The following SLC23A1 variants were observed in gnomAD, a reference collection of about 807,000 sequenced individuals.
SLC23A1 encodes Na(+)/L-ascorbic acid transporter 1.
SLC23A1 carries 31 observed loss-of-function variants against 62.5 expected under a neutral mutation model. The ratio of observed to expected loss-of-function variants is 0.50; its 90% CI spans 0.37 to 0.67. The LOEUF (loss-of-function observed/expected upper bound fraction) is 0.67, where lower values mean the gene tolerates loss of function less well. Among genes scored for constraint, SLC23A1 ranks in the 30% least tolerant of loss-of-function variants. SLC23A1 has a pLI of 0.00. For missense variants in SLC23A1, 640 were observed against 782.7 expected (o/e 0.82, Z 2.18); for synonymous variants, 271 against 313.2 (o/e 0.87, Z 1.42).
In SLC23A1 at chr5:139,378,717, A is replaced by C; in HGVS notation, c.1074-33T>G. On this transcript the variant is annotated intron_variant, in intron 9 of 14. Transcript: ENST00000348729. The surrounding 1 kb of genome is among the most constrained non-coding windows in gnomAD (Gnocchi z 4.5). ...GAAAGGGAGAGTCGGGGCTTGGTCC[A>C]GCCTCTGCACCAGTCTGTGTTCCCC... 1 of 1,473,502 alleles carries C rather than the reference A, an allele frequency of 6.8e-7. No individual in the cohort carries two copies. The highest frequency in any genetic ancestry group is 9.4e-7 in the Non-Finnish European group (1 of 1,069,350). 91.3% of individuals were successfully genotyped at this position (1,473,502 alleles called of 1,614,324 possible).
At position 139,379,399 on chromosome 5, in the gene SLC23A1, G is replaced by A. The variant is rs564023091; in HGVS notation, c.926-45C>T. On this transcript the variant is annotated intron_variant, in intron 8 of 14. Transcript: ENST00000348729. The surrounding 1 kb of genome is among the most constrained non-coding windows in gnomAD (Gnocchi z 4.7). ...GGATGGTGGCTACAGTGAGGAGACT[G>A]TGATGGTTAGGAATAGACAGGGCAG... 33 of 1,595,968 alleles carry A rather than the reference G, an allele frequency of 2.1e-5. No individual in the cohort carries two copies. The South Asian group carries it at 2.7e-4, about 13-fold the overall frequency.
chr5:139,367,549 T>A lies in SLC23A1; in HGVS notation c.*102A>T, dbSNP rs1254628734. 2 of 152,048 alleles carry A rather than the reference T, an allele frequency of 1.3e-5. No homozygotes were observed. The highest frequency in any genetic ancestry group is 1.9e-4 in the East Asian group (1 of 5,178). The allele number at this position is 152,048 out of a possible 1,614,324, so 9.4% of individuals were successfully genotyped here. On this transcript the variant is annotated 3_prime_UTR_variant, in exon 15 of 15. Transcript: ENST00000348729. Reference sequence around the variant, plus strand: ...GACTTATCTGAGTTTACACAGAAGTTAGTTAGGGGCAGGGCTGGGATTTCA... The same window carrying A: ...GACTTATCTGAGTTTACACAGAAGTAAGTTAGGGGCAGGGCTGGGATTTCA...
intron 14 of SLC23A1, chr5:139,369,733 T>C (rs567756948): frequency 1.3e-5 from 2 of 152,636 alleles, no homozygotes; most frequent in East Asian, 1.9e-4. Context: ...TGGTTGTGTT[T>C]ATTGGTGCTG....
chr5:139,376,177 A>ATTTTTTTTTTTTTTT (rs1554159745), intron 13 of SLC23A1, among the ~76,000 whole-genome samples: 1 of 142,470 alleles, frequency 7.0e-6, no homozygotes, highest in Non-Finnish European at 1.5e-5. Flanking sequence ...CGATGTTTTA[A>ATTTTTTTTTTTTTTT]TTTTTTTTTT....
At position 139,380,192 on chromosome 5, in the gene SLC23A1, C is replaced by T. The variant is rs751394456; in HGVS notation, c.647+16G>A. The T allele has an allele frequency of 2.6e-6, 4 of 1,555,896 alleles. No homozygotes were observed. Among genetic ancestry groups the T allele is most frequent in the African/African-American group, 1.4e-5 (1 of 73,264 alleles). Reference sequence around the variant, plus strand: ...GTGCTGGGGCTGGGCAGGGATCAGGCCTGGTGCCTGCTCACCAAGCTGAGA... The same window carrying T: ...GTGCTGGGGCTGGGCAGGGATCAGGTCTGGTGCCTGCTCACCAAGCTGAGA... On this transcript the variant is annotated intron_variant, in intron 6 of 14. Coordinates refer to ENST00000348729, the MANE Select transcript of SLC23A1 (RefSeq NM_005847.5).
At chr5:139,381,540 G>A (rs1160736226) in intron 3 of SLC23A1, among the ~76,000 whole-genome samples, 1 of 150,862 alleles carries the variant, frequency 6.6e-6, no homozygotes, top group African/African-American at 2.4e-5. Context: ...TTGAACCCGG[G>A]AGGTGGTGGT....
upstream of SLC23A1, chr5:139,384,289 C>G: frequency 1.8e-6 from 2 of 1,139,218 alleles, no homozygotes; most frequent in Admixed American, 6.7e-5. Flanking sequence ...CTGGTGAGGG[C>G]TGGGCCTGAG....
chr5:139,383,385 T>C (rs1262657520), upstream of SLC23A1: 2 of 1,485,544 alleles, frequency 1.3e-6, no homozygotes, highest in African/African-American at 2.8e-5. Flanking sequence ...CAGCTCTGGA[T>C]TGCGAAAGGG....
Position 139,379,197 on chromosome 5 carries a change from G to C in SLC23A1, c.1073+10C>G, listed in dbSNP as rs781500341. The C allele has an allele frequency of 3.7e-6, 6 of 1,613,910 alleles. No individual in the cohort carries two copies. The Admixed American group carries it at 1.0e-4, about 27-fold the overall frequency. ...AGGAGATCAGATACTGAGGAGGGCA[G>C]GTAGGCTACCTGTTGATAGCATGTA... On this transcript the variant is annotated intron_variant, in intron 9 of 14. Transcript: ENST00000348729. The surrounding 1 kb of genome is among the most constrained non-coding windows in gnomAD (Gnocchi z 4.7).
rs752569610 is a variant in SLC23A1, at chr5:139,378,537, C to G, written c.1179+42G>C. 1.3e-6 allele frequency: 2 copies of G among 1,497,978 alleles called. No homozygotes were observed. Among genetic ancestry groups the G allele is most frequent in the South Asian group, 2.5e-5 (2 of 80,832 alleles). 92.8% of individuals were successfully genotyped at this position (1,497,978 alleles called of 1,614,324 possible). A position where few individuals can be genotyped will look rare whatever the true frequency, so the allele number is the denominator to read the frequency against. ...CCGAGTTGGGGCGGGGCCTGCGGCC[C>G]ACGGAATTAGGGCAGGATTTGGCTC... On this transcript the variant is annotated intron_variant, in intron 10 of 14. Transcript: ENST00000348729. This position sits in a 1 kb window ranked among gnomAD's most constrained non-coding sequence, Gnocchi z 4.5.
At chr5:139,380,521 C>A in intron 5 of SLC23A1, 44 bp downstream of exon 5, 3 of 1,603,692 alleles carry the variant, frequency 1.9e-6, no homozygotes, top group Non-Finnish European at 2.6e-6. Context: ...CCATATAGCC[C>A]CTCCTCAGGA....
Position 139,376,401 on chromosome 5 carries a change from C to T in SLC23A1, c.1549+1001G>A, listed in dbSNP as rs201219202. ...GCCAGGCTTGTCTCAAACTCCTGAC[C>T]TCGTGATCCACCCGCCTTAGCCTCC... On this transcript the variant is annotated intron_variant, in intron 13 of 14. Transcript: ENST00000348729. Among the ~76,000 whole-genome samples, 4 of 152,192 alleles carry T rather than the reference C, an allele frequency of 2.6e-5. No homozygotes were observed. The East Asian group carries it at 7.7e-4, about 29-fold the overall frequency.
chr5:139,383,407 G>C (rs1478992895), upstream of SLC23A1: 11 of 1,442,648 alleles, frequency 7.6e-6, no homozygotes, highest in Non-Finnish European at 1.0e-5. Flanking sequence ...GGCCCGGGCA[G>C]AGGTAATGTA....
intron 14 of SLC23A1, chr5:139,368,886 T>TA: frequency 9.8e-7 from 1 of 1,017,436 alleles, no homozygotes; most frequent in East Asian, 2.4e-5. Flanking sequence ...AGCTCTCTTG[T>TA]CACTGTGTTA....
intron 3 of SLC23A1, 87 bp downstream of exon 3, chr5:139,381,805 A>T (rs1421468578): frequency 9.0e-7 from 1 of 1,108,400 alleles, no homozygotes; most frequent in Admixed American, 2.1e-5. Flanking sequence ...TTGTCTCACC[A>T]GTGTCCTCTG....
At chr5:139,371,937 G>T in intron 14 of SLC23A1, 50 bp downstream of exon 14, 1 of 1,424,190 alleles carries the variant, frequency 7.0e-7, no homozygotes. Context: ...TAAAGCATAA[G>T]AATGTTTTGA....
At chr5:139,368,629 TTTGTC>T (rs1465661882) in intron 14 of SLC23A1, 4 of 788,528 alleles carry the variant, frequency 5.1e-6, no homozygotes, top group Admixed American at 4.5e-5. Flanking sequence ...ACTGAGTTCT[TTTGTC>T]TTTTTTTTTT....
At chr5:139,376,900 T>A (rs943370713) in intron 13 of SLC23A1, among the ~76,000 whole-genome samples, 3 of 152,070 alleles carry the variant, frequency 2.0e-5, no homozygotes, top group Non-Finnish European at 4.4e-5. Flanking sequence ...GGCGAGCGTA[T>A]CACTTGAGGT....
intron 14 of SLC23A1, chr5:139,368,736 A>C: frequency 6.2e-7 from 1 of 1,612,376 alleles, no homozygotes; most frequent in Non-Finnish European, 8.5e-7. Context: ...TTTCCAGGTC[A>C]AGAGCAATCT....
Sources: gnomAD v4.1 joint callset for allele counts (sites outside exome capture counted in the v4.1 genomes callset) on GRCh38, gnomAD v4.1.1 for gene constraint, Gnocchi (gnomAD v3.1) non-coding constraint, MANE v1.5 for transcripts, NCBI Gene and HGNC (gene_info 2026-07-23, HGNC 2026-07-21) for gene names.